Variants in ZNF235 observed in about 807,000 individuals in gnomAD.
ZNF235 encodes zfp-93.
ZNF235 carries 25 observed loss-of-function variants against 29.4 expected under a neutral mutation model. The observed-to-expected ratio is 0.85, with a 90% CI of 0.62 to 1.19. ZNF235 has a LOEUF of 1.19. Ranked by LOEUF, ZNF235 falls within the 50% of genes most tolerant of loss-of-function variation. ZNF235 has a pLI of 0.00. For synonymous variants in ZNF235, 300 were observed against 295.3 expected, an observed-to-expected ratio of 1.02 and a Z score of -0.16; for missense variants, 788 against 885.0, an observed-to-expected ratio of 0.89 and a Z score of 1.39.
intron 1 of ZNF235, chr19:44,304,565 C>A (rs570961058): frequency 3.5e-5 from 11 of 316,398 alleles, no homozygotes; most frequent in Non-Finnish European, 4.6e-5. Context: ...ACGGTGGCAT[C>A]CAACATTTTC....
intron 4 of ZNF235, chr19:44,290,812 C>T (rs1975575930): frequency 6.5e-6 from 1 of 153,242 alleles, no homozygotes; most frequent in South Asian, 2.1e-4. Flanking sequence ...ACACCTTTCC[C>T]CTCTGAATTA....
intron 2 of ZNF235, among the ~76,000 whole-genome samples, chr19:44,301,762 C>T (rs959203432): frequency 2.6e-5 from 4 of 152,114 alleles, no homozygotes; most frequent in Non-Finnish European, 4.4e-5. Flanking sequence ...TGTGCCTGGC[C>T]TTCACCCAAA....
intron 3 of ZNF235, 57 bp from the exon 4 acceptor site, chr19:44,298,960 C>A: frequency 7.2e-7 from 1 of 1,387,124 alleles, no homozygotes; most frequent in Non-Finnish European, 1.0e-6. Flanking sequence ...CTGAAAAAAT[C>A]TGGTTCCAAT....
Position 44,298,884 on chromosome 19 carries a change from T to A in ZNF235, c.162A>T (p.Pro54=). The change falls in exon 4 of 5, where the codon CCA becomes CCT. Residue 54 remains proline (P), a synonymous_variant. Coordinates refer to ENST00000291182, the MANE Select transcript of ZNF235 (RefSeq NM_004234.4). ...CCCTCTCCAACTGGGATATCATATC[T>A]GGTTTGAAGGACTGATGTCCTATAA... ...LVSVGHQSFK[P]DMISQLEREE... is the part of the protein sequence containing the mutation. 2.5e-6 allele frequency: 4 copies of A among 1,613,656 alleles called. No individual in the cohort carries two copies. Among genetic ancestry groups the A allele is most frequent in the Non-Finnish European group, 2.5e-6 (3 of 1,179,612 alleles).
At position 44,298,918 on chromosome 19, in the gene ZNF235, T is replaced by G; in HGVS notation, c.143-15A>C. The G allele has an allele frequency of 6.3e-7, 1 of 1,593,184 alleles. No individual in the cohort carries two copies. Among genetic ancestry groups the G allele is most frequent in the Non-Finnish European group, 8.6e-7 (1 of 1,163,342 alleles). Reference sequence around the variant, plus strand: ...GGACTGATGTCCTATAAAAAGATAGTATTTAAGTGAAAATGTTAAAGGCAA... The same window carrying G: ...GGACTGATGTCCTATAAAAAGATAGGATTTAAGTGAAAATGTTAAAGGCAA... On this transcript the variant is annotated splice_polypyrimidine_tract_variant and intron_variant, in intron 3 of 4. Coordinates refer to ENST00000291182, the MANE Select transcript of ZNF235 (RefSeq NM_004234.4).
chr19:44,303,008 GTA>G lies in ZNF235; in HGVS notation c.15+380_15+381del, dbSNP rs1298196169. On this transcript the variant is annotated intron_variant, in intron 2 of 4. Coordinates refer to ENST00000291182, the MANE Select transcript of ZNF235 (RefSeq NM_004234.4). ...TATATATAAATATATACATATATAC[GTA>G]TATATTTATATAAAATATACGTATA... is the stretch of plus-strand genomic sequence containing the variant. Among the ~76,000 whole-genome samples the G allele has an allele frequency of 9.3e-3, 1,088 of 117,420 alleles. 12 individuals are homozygous for G. The highest frequency in any genetic ancestry group is 0.038 in the African/African-American group (1,017 of 26,486). The allele number at this position is 117,420 out of a possible 152,430, so 77.0% of individuals were successfully genotyped here.
At chr19:44,300,030 T>G (rs745779485) in intron 2 of ZNF235, among the ~76,000 whole-genome samples, 1 of 152,202 alleles carries the variant, frequency 6.6e-6, no homozygotes, top group Non-Finnish European at 1.5e-5. Flanking sequence ...TACCACTATT[T>G]TGTCAATCCA....
At chr19:44,289,218 G>C in intron 4 of ZNF235, 22 bp from the exon 5 acceptor site, 2 of 1,582,794 alleles carry the variant, frequency 1.3e-6, no homozygotes, top group Non-Finnish European at 1.7e-6. Flanking sequence ...GAGAGAATAA[G>C]GAATAAAGGA....
At chr19:44,301,471 C>CA (rs764969491) in intron 2 of ZNF235, among the ~76,000 whole-genome samples, 2 of 147,184 alleles carry the variant, frequency 1.4e-5, no homozygotes, top group Non-Finnish European at 3.0e-5. Flanking sequence ...TGAATAGTCT[C>CA]TTTTTTTTTT....
chr19:44,288,715 A>G lies in ZNF235; in HGVS notation c.720T>C (p.Asp240=), dbSNP rs774042451. The G allele has an allele frequency of 2.1e-5, 34 of 1,614,028 alleles. No homozygotes were observed. In the East Asian group the frequency reaches 2.9e-4, roughly 14 times the overall value. ...HKRDKVHSNS[D]CGKDTLKVSP... ...ATACCTTTAGGGTATCTTTACCACA[A>G]TCACTATTGCTATGAACTTTATCTC... Residue 240 remains aspartate, a synonymous_variant, in exon 5 of 5, where the codon GAT becomes GAC. Transcript: ENST00000291182.
In ZNF235 at chr19:44,299,433, C is replaced by G. The variant is rs1257030188; in HGVS notation, c.142+173G>C. Among the ~76,000 whole-genome samples, 5 of 152,202 alleles carry G rather than the reference C, an allele frequency of 3.3e-5. 1 individual carries two copies. In the South Asian group the frequency reaches 6.2e-4, roughly 19 times the overall value. Reference sequence around the variant, plus strand: ...TATGCTCTAAAGAGATAGAAAAACTCTAGTCTCTGAGCAGTCCCAAAGCCT... The same window carrying G: ...TATGCTCTAAAGAGATAGAAAAACTGTAGTCTCTGAGCAGTCCCAAAGCCT... On this transcript the variant is annotated intron_variant, in intron 3 of 4. Transcript: ENST00000291182.
chr19:44,303,606 C>T (rs929412151), intron 1 of ZNF235, among the ~76,000 whole-genome samples, 154 bp from the exon 2 acceptor site: 2 of 152,172 alleles, frequency 1.3e-5, no homozygotes, highest in African/African-American at 4.8e-5. Flanking sequence ...TCCCAGCTAC[C>T]CCTCGGCCCC....
chr19:44,293,490 C>T (rs1975612798), intron 4 of ZNF235, among the ~76,000 whole-genome samples: 1 of 151,994 alleles, frequency 6.6e-6, no homozygotes, highest in Non-Finnish European at 1.5e-5. Flanking sequence ...GGGACCTCAA[C>T]ACCCCACAGA....
At chr19:44,303,908 C>A (rs1288037358) in intron 1 of ZNF235, among the ~76,000 whole-genome samples, 1 of 152,200 alleles carries the variant, frequency 6.6e-6, no homozygotes, top group African/African-American at 2.4e-5. Context: ...CAGCTTCTGA[C>A]AAGCAAGTGC....
intron 2 of ZNF235, among the ~76,000 whole-genome samples, chr19:44,301,936 T>C (rs906568390): frequency 3.9e-5 from 6 of 152,352 alleles, no homozygotes; most frequent in South Asian, 4.1e-4. Flanking sequence ...TGCAAATTCC[T>C]GGTGAATCTC....
chr19:44,304,420 A>G (rs1388844494), intron 1 of ZNF235, among the ~76,000 whole-genome samples: 5 of 152,224 alleles, frequency 3.3e-5, no homozygotes, highest in Non-Finnish European at 5.9e-5. Context: ...AAGAGGCTAG[A>G]AAAGTCCAAG....
At chr19:44,300,476 T>C (rs1975720430) in intron 2 of ZNF235, among the ~76,000 whole-genome samples, 1 of 152,174 alleles carries the variant, frequency 6.6e-6, no homozygotes, top group Non-Finnish European at 1.5e-5. Flanking sequence ...ATTTTAAATT[T>C]AAAAATGACA....
Position 44,286,934 on chromosome 19 carries a change from A to C in ZNF235, c.*284T>G, listed in dbSNP as rs1568642028. On this transcript the variant is annotated 3_prime_UTR_variant, in exon 5 of 5. Transcript: ENST00000291182. The stretch of plus-strand genomic sequence containing the variant: ...TCTCTCCTGTGCAGACTCCGACAAG[A>C]CTTTTCTGCTGTGTTACATCTTGAG... The C allele has an allele frequency of 3.2e-6, 1 of 309,714 alleles. No homozygotes were observed. 19.2% of individuals were successfully genotyped at this position (309,714 alleles called of 1,614,324 possible). A position where few individuals can be genotyped will look rare whatever the true frequency, so the allele number is the denominator to read the frequency against.
chr19:44,303,114 T>C (rs1413811859), intron 2 of ZNF235, among the ~76,000 whole-genome samples: 1 of 142,588 alleles, frequency 7.0e-6, no homozygotes, highest in Non-Finnish European at 1.5e-5. Context: ...ATATTTCTTA[T>C]AAATATATAC....
Sources: allele counts gnomAD v4.1 joint callset (sites outside exome capture counted in the v4.1 genomes callset), GRCh38; gene constraint gnomAD v4.1.1; transcripts MANE v1.5; gene names NCBI Gene and HGNC (gene_info 2026-07-23, HGNC 2026-07-21).